The following CMC1 variants were observed in gnomAD, a reference collection of about 807,000 sequenced individuals.
The protein encoded by CMC1 is C-X9-C motif containing 1.
CMC1 carries 14 observed loss-of-function variants against 14.1 expected under a neutral mutation model. That is an observed-to-expected ratio of 0.99 (90% CI 0.66 to 1.55). CMC1 has a LOEUF of 1.55. Among genes scored for constraint, CMC1 ranks in the 40% most tolerant of loss-of-function variants. The probability of loss-of-function intolerance (pLI) is 0.00; values close to 1 mark genes in which losing one functional copy is unlikely to be tolerated. For missense variants in CMC1, 127 were observed against 123.8 expected, an observed-to-expected ratio of 1.03 and a Z score of -0.12; for synonymous variants, 50 against 38.4, an observed-to-expected ratio of 1.30 and a Z score of -1.12.
In CMC1 at chr3:28,309,939, C is replaced by CA. The variant is rs1411939697; in HGVS notation, c.110-6393dup. 7.8e-5 allele frequency among the ~76,000 whole-genome samples: 8 copies of CA among 101,934 alleles called. No individual in the cohort carries two copies. The East Asian group carries it at 1.9e-3, about 24-fold the overall frequency. 66.9% of individuals were successfully genotyped at this position (101,934 alleles called of 152,430 possible). On this transcript the variant is annotated intron_variant, in intron 2 of 3. Transcript: ENST00000466830. Reference sequence around the variant, plus strand: ...TGCCTTTTCTCCTCCACCTGACGTCCACCACACACACACACACACACACAC... The same window carrying CA: ...TGCCTTTTCTCCTCCACCTGACGTCCAACCACACACACACACACACACACAC...
intron 2 of CMC1, 42 bp from the exon 3 acceptor site, chr3:28,316,291 G>A (rs750167596): frequency 2.0e-6 from 2 of 989,070 alleles, no homozygotes; most frequent in Non-Finnish European, 3.0e-6. Context: ...TATTTATATA[G>A]ATATAATTAC....
chr3:28,260,942 AG>A (rs1485347349), intron 1 of CMC1, among the ~76,000 whole-genome samples: 2 of 152,164 alleles, frequency 1.3e-5, no homozygotes, highest in African/African-American at 4.8e-5. Flanking sequence ...CATTGGTGTC[AG>A]GGAACATAGT....
intron 2 of CMC1, chr3:28,297,125 C>T (rs1195864102): frequency 6.6e-6 from 1 of 152,020 alleles, no homozygotes; most frequent in Non-Finnish European, 1.5e-5. Flanking sequence ...TTCCTGAGGG[C>T]AACAGACAAA....
chr3:28,270,292 G>C (rs1227959950), intron 2 of CMC1, among the ~76,000 whole-genome samples: 1 of 152,166 alleles, frequency 6.6e-6, no homozygotes, highest in Non-Finnish European at 1.5e-5. Flanking sequence ...GGATTGCTGG[G>C]TCAAATGGTG....
intron 1 of CMC1, among the ~76,000 whole-genome samples, chr3:28,248,936 C>T (rs1698982383): frequency 6.6e-6 from 1 of 152,006 alleles, no homozygotes; most frequent in Non-Finnish European, 1.5e-5. Context: ...ACTACAGGCG[C>T]CCACCACCAT....
chr3:28,246,775 TC>T, intron 1 of CMC1, among the ~76,000 whole-genome samples: 1 of 152,128 alleles, frequency 6.6e-6, no homozygotes, highest in East Asian at 1.9e-4. Context: ...ATCAAATATT[TC>T]TCTTTGATTT....
In CMC1 at chr3:28,313,588, C is replaced by T. The variant is rs1361727109; in HGVS notation, c.110-2745C>T. Among the ~76,000 whole-genome samples the T allele has an allele frequency of 2.6e-5, 4 of 152,170 alleles. No individual in the cohort carries two copies. The East Asian group carries it at 5.8e-4, about 22-fold the overall frequency. ...TAATGTAGAATGAAAGAAAGGTCCT[C>T]ATTAAAATCTTGTTGCTAAACAAGT... On this transcript the variant is annotated intron_variant, in intron 2 of 3. Coordinates refer to ENST00000466830, the MANE Select transcript of CMC1 (RefSeq NM_182523.2).
At chr3:28,271,099 T>A (rs1700262266) in intron 2 of CMC1, among the ~76,000 whole-genome samples, 1 of 151,490 alleles carries the variant, frequency 6.6e-6, no homozygotes, top group Non-Finnish European at 1.5e-5. Context: ...CTCGGCCGAG[T>A]TAATATTTTT....
At chr3:28,260,693 A>G (rs1179328336) in intron 1 of CMC1, among the ~76,000 whole-genome samples, 1 of 151,820 alleles carries the variant, frequency 6.6e-6, no homozygotes, top group Non-Finnish European at 1.5e-5. Flanking sequence ...AAGTTAATAC[A>G]AGACCTTTTT....
Position 28,241,642 on chromosome 3 carries a change from G to A in CMC1, c.-152G>A, listed in dbSNP as rs933892144. 13 of 1,232,362 alleles carry A rather than the reference G, an allele frequency of 1.1e-5. No homozygotes were observed. In the African/African-American group the frequency reaches 1.9e-4, roughly 18 times the overall value. 76.3% of individuals were successfully genotyped at this position (1,232,362 alleles called of 1,614,324 possible). ...GGAGCCTGGGAAGGAAGAGGGAACGGGTCCTGGCGGTGCTTTGCAAAGGGC... is the reference window on the plus strand; with the variant it reads ...GGAGCCTGGGAAGGAAGAGGGAACGAGTCCTGGCGGTGCTTTGCAAAGGGC... On this transcript the variant is annotated 5_prime_UTR_variant, in exon 1 of 4. Coordinates refer to ENST00000466830, the MANE Select transcript of CMC1 (RefSeq NM_182523.2).
chr3:28,285,519 C>T (rs1701127502), intron 2 of CMC1, among the ~76,000 whole-genome samples: 1 of 151,698 alleles, frequency 6.6e-6, no homozygotes, highest in Admixed American at 6.6e-5. Flanking sequence ...ACATTGAAGA[C>T]CAGGAAAGAT....
At chr3:28,296,412 A>C (rs1406432670) in intron 2 of CMC1, among the ~76,000 whole-genome samples, 1 of 152,086 alleles carries the variant, frequency 6.6e-6, no homozygotes, top group Non-Finnish European at 1.5e-5. Flanking sequence ...TACTTTCTAA[A>C]ACACTGAATT....
At chr3:28,288,125 A>T (rs1341788251) in intron 2 of CMC1, among the ~76,000 whole-genome samples, 1 of 152,114 alleles carries the variant, frequency 6.6e-6, no homozygotes, top group Non-Finnish European at 1.5e-5. Flanking sequence ...GTATTGATAT[A>T]TGAATCTTCT....
Position 28,319,719 on chromosome 3 carries a change from T to C in CMC1, c.*90T>C. 1 of 1,014,530 alleles carries C rather than the reference T, an allele frequency of 9.9e-7. No individual in the cohort carries two copies. The highest frequency in any genetic ancestry group is 2.7e-5 in the East Asian group (1 of 37,236). The allele number at this position is 1,014,530 out of a possible 1,614,324, so 62.8% of individuals were successfully genotyped here. A position where few individuals can be genotyped will look rare whatever the true frequency, so the allele number is the denominator to read the frequency against. On this transcript the variant is annotated 3_prime_UTR_variant, in exon 4 of 4. Transcript: ENST00000466830. ...AATGGACTCAAGCATATATGTTTGC[T>C]TTACCTTAATTATGGAAATATTAAC...
chr3:28,245,232 C>T (rs182088700), intron 1 of CMC1, among the ~76,000 whole-genome samples: 8 of 151,946 alleles, frequency 5.3e-5, no homozygotes, highest in East Asian at 1.9e-4. Context: ...GTGAACCCAG[C>T]GAAAAAATGC....
In CMC1 at chr3:28,316,217, A is replaced by G. The variant is rs536989586; in HGVS notation, c.110-116A>G. The stretch of plus-strand genomic sequence containing the variant: ...CAGTGAGCTATAATCATGCCACTGC[A>G]CTCCAGCCTGGGTGACAGGCTTTCT... On this transcript the variant is annotated intron_variant, in intron 2 of 3. Coordinates refer to ENST00000466830, the MANE Select transcript of CMC1 (RefSeq NM_182523.2). 2.6e-5 allele frequency: 15 copies of G among 567,488 alleles called. No homozygotes were observed. In the East Asian group the frequency reaches 4.1e-4, roughly 16 times the overall value. 35.2% of individuals were successfully genotyped at this position (567,488 alleles called of 1,614,324 possible). A position where few individuals can be genotyped will look rare whatever the true frequency, so the allele number is the denominator to read the frequency against.
intron 2 of CMC1, among the ~76,000 whole-genome samples, chr3:28,308,676 T>C (rs1394633916): frequency 2.0e-5 from 3 of 152,192 alleles, no homozygotes; most frequent in Admixed American, 6.5e-5. Context: ...GAAATAGTTA[T>C]GGAATTACTT....
intron 2 of CMC1, among the ~76,000 whole-genome samples, chr3:28,282,307 C>T (rs1381664415): frequency 6.6e-6 from 1 of 152,208 alleles, no homozygotes; most frequent in Non-Finnish European, 1.5e-5. Flanking sequence ...ACGTCCCTAT[C>T]TCAGATTGCT....
At chr3:28,252,951 C>G (rs1452223506) in intron 1 of CMC1, among the ~76,000 whole-genome samples, 1 of 152,168 alleles carries the variant, frequency 6.6e-6, no homozygotes, top group East Asian at 1.9e-4. Flanking sequence ...AAACATCTCT[C>G]CTACTCTTGA....
Sources: allele counts gnomAD v4.1 joint callset (sites outside exome capture counted in the v4.1 genomes callset), GRCh38; gene constraint gnomAD v4.1.1; transcripts MANE v1.5; gene names NCBI Gene and HGNC (gene_info 2026-07-23, HGNC 2026-07-21).